The following CLNK variants were observed in gnomAD, a reference collection of about 807,000 sequenced individuals.
CLNK encodes the protein cytokine-dependent hematopoietic cell linker.
Under a neutral mutation model 68.6 loss-of-function variants are expected in CLNK, and 74 were observed. The observed-to-expected ratio is 1.08, with a 90% CI of 0.89 to 1.31. CLNK has a LOEUF of 1.31. Among genes scored for constraint, CLNK ranks in the 50% most tolerant of loss-of-function variants. The pLI, the probability that CLNK is intolerant of heterozygous loss-of-function variation, is 0.00. For synonymous variants in CLNK, 198 were observed against 172.2 expected (o/e 1.15, Z -1.17); for missense variants, 553 against 515.3 (o/e 1.07, Z -0.71).
chr4:10,554,385 G>A (rs1224311218), intron 8 of CLNK, among the ~76,000 whole-genome samples: 1 of 152,086 alleles, frequency 6.6e-6, no homozygotes, highest in Admixed American at 6.5e-5. Flanking sequence ...ATTATTTGGG[G>A]GATAGAAATT....
At chr4:10,625,235 CA>C (rs1374490159) in intron 2 of CLNK, among the ~76,000 whole-genome samples, 1 of 152,174 alleles carries the variant, frequency 6.6e-6, no homozygotes, top group Non-Finnish European at 1.5e-5. Flanking sequence ...CTTGCTGTGA[CA>C]GGGAAACATT....
chr4:10,604,979 G>A (rs1187556236), intron 2 of CLNK, among the ~76,000 whole-genome samples: 3 of 152,300 alleles, frequency 2.0e-5, no homozygotes, highest in African/African-American at 7.2e-5. Context: ...TAATGTGGGT[G>A]GGCCTCATCC....
At chr4:10,611,832 A>G (rs1285494809) in intron 2 of CLNK, among the ~76,000 whole-genome samples, 2 of 152,060 alleles carry the variant, frequency 1.3e-5, no homozygotes, top group East Asian at 1.9e-4. Flanking sequence ...TGTTGCAGCC[A>G]GGATCCTCAT....
At chr4:10,495,562 T>TC (rs936190604) in intron 18 of CLNK, among the ~76,000 whole-genome samples, 2 of 152,070 alleles carry the variant, frequency 1.3e-5, no homozygotes, top group Non-Finnish European at 2.9e-5. Flanking sequence ...GCTAAATGAT[T>TC]CCCCCCAATA....
the CLNK span, among the ~76,000 whole-genome samples, chr4:10,722,269 C>G: frequency 1.3e-5 from 2 of 152,150 alleles, no homozygotes; most frequent in Admixed American, 6.5e-5. Context: ...GTCACAGATT[C>G]AATGGGATTG....
At chr4:10,546,712 C>A (rs1719248001) in intron 8 of CLNK, among the ~76,000 whole-genome samples, 1 of 152,176 alleles carries the variant, frequency 6.6e-6, no homozygotes, top group Non-Finnish European at 1.5e-5. Flanking sequence ...TCATTATCAG[C>A]AACACTCCAC....
At chr4:10,515,566 C>T (rs1717803737) in intron 15 of CLNK, among the ~76,000 whole-genome samples, 1 of 151,854 alleles carries the variant, frequency 6.6e-6, no homozygotes, top group Non-Finnish European at 1.5e-5. Flanking sequence ...AGATATGTTA[C>T]TAAAAATGAA....
intron 14 of CLNK, among the ~76,000 whole-genome samples, chr4:10,521,704 C>A (rs1718073756): frequency 6.6e-6 from 1 of 152,208 alleles, no homozygotes; most frequent in Non-Finnish European, 1.5e-5. Context: ...ATCCAGCCAC[C>A]ATACTATGCT....
At chr4:10,704,841 G>A in the CLNK span, among the ~76,000 whole-genome samples, 241 of 152,298 alleles carry the variant, frequency 1.6e-3, 4 homozygotes, top group Admixed American at 0.012. Context: ...TGAAATGCCT[G>A]GCACCCAATA....
At chr4:10,598,118 A>G (rs571303599) in intron 2 of CLNK, 69 bp from the exon 3 acceptor site, 19 of 1,048,884 alleles carry the variant, frequency 1.8e-5, no homozygotes, top group Non-Finnish European at 2.7e-5. Flanking sequence ...AATTAAGTGC[A>G]TTCATTCATA....
intron 2 of CLNK, among the ~76,000 whole-genome samples, chr4:10,603,362 C>T (rs776019070): frequency 2.2e-4 from 33 of 152,192 alleles, no homozygotes; most frequent in Non-Finnish European, 3.5e-4. Context: ...AGATTTTCAC[C>T]TAACTGGTCA....
chr4:10,703,265 G>A, the CLNK span, among the ~76,000 whole-genome samples: 1 of 152,150 alleles, frequency 6.6e-6, no homozygotes, highest in African/African-American at 2.4e-5. Flanking sequence ...ACTAACTACA[G>A]TGTTCATTCA....
chr4:10,723,510 T>A, the CLNK span, among the ~76,000 whole-genome samples: 1 of 152,134 alleles, frequency 6.6e-6, no homozygotes, highest in African/African-American at 2.4e-5. Flanking sequence ...AAGTGATGTG[T>A]GGATTAAGAG....
intron 4 of CLNK, 78 bp from the exon 5 acceptor site, chr4:10,571,856 T>G: frequency 8.9e-7 from 1 of 1,120,134 alleles, no homozygotes. Flanking sequence ...GCCCTTGTTT[T>G]TCTCCAGAAA....
intron 2 of CLNK, among the ~76,000 whole-genome samples, chr4:10,645,762 T>C (rs926608726): frequency 2.6e-5 from 4 of 152,184 alleles, no homozygotes; most frequent in Non-Finnish European, 4.4e-5. Flanking sequence ...AGTTCTAGTA[T>C]TCAAGAGTAC....
chr4:10,514,211 G>A (rs1390360521), intron 15 of CLNK, among the ~76,000 whole-genome samples: 2 of 142,428 alleles, frequency 1.4e-5, no homozygotes, highest in African/African-American at 2.6e-5. Context: ...TGGCTGCATA[G>A]TATTCCATGG....
intron 4 of CLNK, among the ~76,000 whole-genome samples, chr4:10,574,849 T>G (rs1720495403): frequency 6.6e-6 from 1 of 152,182 alleles, no homozygotes; most frequent in South Asian, 2.1e-4. Context: ...TCTGTTCCGT[T>G]CTGATTACTG....
At chr4:10,661,910 T>C (rs1724204210) in intron 2 of CLNK, among the ~76,000 whole-genome samples, 1 of 152,182 alleles carries the variant, frequency 6.6e-6, no homozygotes, top group Non-Finnish European at 1.5e-5. Context: ...ATTATAACCA[T>C]GTGTGGAAGG....
chr4:10,507,778 G>C (rs61797525), intron 17 of CLNK, among the ~76,000 whole-genome samples, 181 bp downstream of exon 17: 1 of 152,004 alleles, frequency 6.6e-6, no homozygotes, highest in Non-Finnish European at 1.5e-5. Flanking sequence ...CACTGCGCCC[G>C]GCCTGAAACT....
Sources: gnomAD v4.1 joint callset for allele counts (sites outside exome capture counted in the v4.1 genomes callset) on GRCh38, gnomAD v4.1.1 for gene constraint, MANE v1.5 for transcripts, NCBI Gene and HGNC (gene_info 2026-07-23, HGNC 2026-07-21) for gene names.